BPTF: variants seen among roughly 807,000 people sequenced by gnomAD.
BPTF encodes the protein bromodomain PHD finger transcription factor.
BPTF carries 18 observed loss-of-function variants against 292.5 expected under a neutral mutation model. That is an observed-to-expected ratio of 0.06 (90% CI 0.04 to 0.09). The LOEUF (loss-of-function observed/expected upper bound fraction) is 0.09. Ranked by LOEUF, BPTF falls within the 10% of genes least tolerant of loss-of-function variation. The pLI, the probability that BPTF is intolerant of heterozygous loss-of-function variation, is 1.00. For synonymous variants in BPTF, 1,225 were observed against 1,251.9 expected, an observed-to-expected ratio of 0.98 and a Z score of 0.45; for missense variants, 2,726 against 3,498.7, an observed-to-expected ratio of 0.78 and a Z score of 5.57.
intron 11 of BPTF, among the ~76,000 whole-genome samples, chr17:67,918,418 AT>A (rs986991313): frequency 1.6e-4 from 25 of 152,266 alleles, no homozygotes; most frequent in African/African-American, 6.0e-4. Context: ...GTCTTCATGA[AT>A]TTTTGCCTTA....
At chr17:67,909,380 C>T (rs2062492420) in intron 9 of BPTF, among the ~76,000 whole-genome samples, 1 of 149,232 alleles carries the variant, frequency 6.7e-6, no homozygotes, top group African/African-American at 2.5e-5. Context: ...TTCAGGCATT[C>T]CTTCTGTGTT....
intron 1 of BPTF, among the ~76,000 whole-genome samples, chr17:67,840,524 C>T (rs904976567): frequency 1.3e-5 from 2 of 151,710 alleles, no homozygotes; most frequent in Non-Finnish European, 2.9e-5. Context: ...CCCCTTCCCC[C>T]TTTTCCTCCT....
intron 7 of BPTF, among the ~76,000 whole-genome samples, chr17:67,895,898 G>A (rs2061407938): frequency 6.6e-6 from 1 of 151,824 alleles, no homozygotes; most frequent in South Asian, 2.1e-4. Flanking sequence ...ATTATAGCAG[G>A]GTGTTCCTTA....
At chr17:67,845,173 C>T (rs1469940864) in intron 1 of BPTF, among the ~76,000 whole-genome samples, 1 of 144,458 alleles carries the variant, frequency 6.9e-6, no homozygotes, top group Non-Finnish European at 1.5e-5. Flanking sequence ...TGATATAGAT[C>T]ACTTGGTAAA....
intron 4 of BPTF, among the ~76,000 whole-genome samples, chr17:67,888,311 G>A (rs769526523): frequency 1.3e-5 from 2 of 151,904 alleles, no homozygotes; most frequent in Non-Finnish European, 2.9e-5. Context: ...GATCTGGGCC[G>A]GGCTCGGTGG....
In BPTF at chr17:67,866,359, G is replaced by GT. The variant is rs1443316613; in HGVS notation, c.1437-101dup. 1.8e-5 allele frequency: 15 copies of GT among 853,424 alleles called. No homozygotes were observed. In the Admixed American group the frequency reaches 1.9e-4, roughly 11 times the overall value. 52.9% of individuals were successfully genotyped at this position (853,424 alleles called of 1,614,324 possible). Reference sequence around the variant, plus strand: ...GTTTTCTTGTGAGCGCCTATATTGAGTTTTAGTGCATAAGCTTTGTTTTAA... The same window carrying GT: ...GTTTTCTTGTGAGCGCCTATATTGAGTTTTTAGTGCATAAGCTTTGTTTTAA... On this transcript the variant is annotated intron_variant, in intron 2 of 27. Transcript: ENST00000306378.
chr17:67,901,034 G>A (rs1392609494), intron 7 of BPTF, among the ~76,000 whole-genome samples: 17 of 150,862 alleles, frequency 1.1e-4, no homozygotes, highest in Non-Finnish European at 2.4e-4. Context: ...AAAAAGAAAA[G>A]AAAAAAAAGT....
In BPTF at chr17:67,912,778, G is replaced by C; in HGVS notation, c.4894G>C (p.Val1632Leu). 6.2e-7 allele frequency: 1 copy of C among 1,614,092 alleles called. No individual in the cohort carries two copies. Residue 1632 changes from valine to leucine, a missense_variant, in exon 11 of 28, where the codon GTG becomes CTG. Transcript: ENST00000306378. ...CACTGTCACAACCACCACTACAACA[G>C]TGACCAAGCTTTCCACACCCTCCAC... ...KSTVTTTTTT[V>L]TKLSTPSTGG...
chr17:67,974,140 T>C (rs1485863953), intron 26 of BPTF: 6 of 152,240 alleles, frequency 3.9e-5, no homozygotes, highest in African/African-American at 1.4e-4. Context: ...CTAGATTGAT[T>C]GGAGATTACT....
intron 4 of BPTF, among the ~76,000 whole-genome samples, chr17:67,877,205 T>A (rs1259079984): frequency 6.6e-6 from 1 of 152,256 alleles, no homozygotes; most frequent in African/African-American, 2.4e-5. Flanking sequence ...AGATAAGGTC[T>A]GGGCCCTTGG....
chr17:67,905,266 G>C (rs2062099731), intron 9 of BPTF, among the ~76,000 whole-genome samples: 1 of 152,114 alleles, frequency 6.6e-6, no homozygotes, highest in Non-Finnish European at 1.5e-5. Context: ...AAATTTGCTG[G>C]GTGTGCTGGT....
chr17:67,973,733 A>C (rs930652655), intron 26 of BPTF, among the ~76,000 whole-genome samples: 11 of 151,854 alleles, frequency 7.2e-5, no homozygotes, highest in Admixed American at 2.0e-4. Context: ...CTCGGAACTC[A>C]TGACCTTGGA....
At chr17:67,898,239 T>G (rs1055935874) in intron 7 of BPTF, among the ~76,000 whole-genome samples, 1 of 152,030 alleles carries the variant, frequency 6.6e-6, no homozygotes, top group African/African-American at 2.4e-5. Context: ...TTGCATGCCT[T>G]TAGTCCCAGC....
At chr17:67,902,120 C>G (rs2061884462) in intron 7 of BPTF, among the ~76,000 whole-genome samples, 1 of 152,192 alleles carries the variant, frequency 6.6e-6, no homozygotes, top group African/African-American at 2.4e-5. Context: ...GCCTAACTGG[C>G]CTTGCTTCCT....
intron 2 of BPTF, among the ~76,000 whole-genome samples, chr17:67,855,435 G>A (rs1293391980): frequency 6.6e-6 from 1 of 152,054 alleles, no homozygotes; most frequent in Non-Finnish European, 1.5e-5. Context: ...TTCTTTTTTG[G>A]TTTTACCATA....
intron 18 of BPTF, among the ~76,000 whole-genome samples, chr17:67,934,891 CATG>C (rs1224592514): frequency 2.2e-5 from 2 of 92,764 alleles, no homozygotes; most frequent in Admixed American, 2.0e-4. Context: ...AAAAAAAAAG[CATG>C]TAAGTACATT....
At chr17:67,980,443 A>G (rs549733013) in intron 27 of BPTF, among the ~76,000 whole-genome samples, 107 of 152,332 alleles carry the variant, frequency 7.0e-4, no homozygotes, top group Non-Finnish European at 1.2e-3. Context: ...GAGGAGCACA[A>G]CTTCTCATTA....
intron 13 of BPTF, among the ~76,000 whole-genome samples, chr17:67,922,393 C>T (rs1436643367): frequency 6.6e-6 from 1 of 152,206 alleles, no homozygotes; most frequent in Admixed American, 6.5e-5. Flanking sequence ...CTTCTCTGTG[C>T]GGTGATAGGG....
chr17:67,861,571 C>T (rs2059087719), intron 2 of BPTF, among the ~76,000 whole-genome samples: 1 of 152,160 alleles, frequency 6.6e-6, no homozygotes, highest in African/African-American at 2.4e-5. Flanking sequence ...CCACCTCAGC[C>T]TCCAAATGTG....
Sources: allele counts gnomAD v4.1 joint callset (sites outside exome capture counted in the v4.1 genomes callset), GRCh38; gene constraint gnomAD v4.1.1; transcripts MANE v1.5; gene names NCBI Gene and HGNC (gene_info 2026-07-23, HGNC 2026-07-21).